The following TENT4B variants were observed in gnomAD, a reference collection of about 807,000 sequenced individuals.
The protein encoded by TENT4B is terminal nucleotidyltransferase 4B, also known as PAP associated domain containing 5.
TENT4B carries 10 observed loss-of-function variants against 75.0 expected under a neutral mutation model. That is an observed-to-expected ratio of 0.13 (90% CI 0.08 to 0.23). The LOEUF (loss-of-function observed/expected upper bound fraction) is 0.23. Ranked by LOEUF, TENT4B falls within the 10% of genes least tolerant of loss-of-function variation. The probability of loss-of-function intolerance (pLI) is 1.00; values close to 1 mark genes in which losing one functional copy is unlikely to be tolerated. For synonymous variants in TENT4B, 350 were observed against 357.7 expected, an observed-to-expected ratio of 0.98 and a Z score of 0.24; for missense variants, 579 against 893.8, an observed-to-expected ratio of 0.65 and a Z score of 4.49.
chr16:50,181,288 A>G lies in TENT4B; in HGVS notation c.638+27029A>G, dbSNP rs1177576042. ...GACAGTGTGCCTTGAAATGCCCTTT[A>G]TCAGTCTGATTCAAGCCACCTGCAA... On this transcript the variant is annotated intron_variant, in intron 1 of 11. Coordinates refer to ENST00000561678, the MANE Select transcript of TENT4B (RefSeq NM_001365324.3). 2.0e-5 allele frequency among the ~76,000 whole-genome samples: 3 copies of G among 151,046 alleles called. No individual in the cohort carries two copies. The East Asian group carries it at 5.8e-4, about 29-fold the overall frequency.
In TENT4B at chr16:50,232,361, T is replaced by C. The variant is rs982494446; in HGVS notation, c.*3033T>C. 27 of 985,344 alleles carry C rather than the reference T, an allele frequency of 2.7e-5. No individual in the cohort carries two copies. The highest frequency in any genetic ancestry group is 3.1e-5 in the Non-Finnish European group (26 of 829,934). The allele number at this position is 985,344 out of a possible 1,614,324, so 61.0% of individuals were successfully genotyped here. The stretch of plus-strand genomic sequence containing the variant: ...TTTTATTTTTATCCTGTTTTGAGTG[T>C]ACTTTACCTTTACTTGCATTTTGAG... On this transcript the variant is annotated 3_prime_UTR_variant, in exon 12 of 12. Coordinates refer to ENST00000561678, the MANE Select transcript of TENT4B (RefSeq NM_001365324.3).
At chr16:50,205,502 G>T (rs1465210098) in intron 1 of TENT4B, among the ~76,000 whole-genome samples, 4 of 146,118 alleles carry the variant, frequency 2.7e-5, no homozygotes, top group Non-Finnish European at 1.5e-5. Context: ...CAGAAAACTT[G>T]CAATGCAAAT....
intron 1 of TENT4B, among the ~76,000 whole-genome samples, chr16:50,172,097 C>T (rs192416733): frequency 5.9e-5 from 9 of 152,030 alleles, no homozygotes; most frequent in Admixed American, 1.3e-4. Context: ...TGCCTATAAT[C>T]CCAGAACTTT....
chr16:50,166,045 A>G (rs1174592277), intron 1 of TENT4B, among the ~76,000 whole-genome samples: 1 of 150,146 alleles, frequency 6.7e-6, no homozygotes, highest in Non-Finnish European at 1.5e-5. Context: ...CCAGCAGTGA[A>G]TGAAATTTCC....
rs764421701 is a variant in TENT4B, at chr16:50,207,068, C to CTT, written c.639-4243_639-4242dup. 6.6e-3 allele frequency among the ~76,000 whole-genome samples: 926 copies of CTT among 140,896 alleles called. 10 individuals carry two copies. The highest frequency in any genetic ancestry group is 0.023 in the African/African-American group (890 of 38,674). The allele number at this position is 140,896 out of a possible 152,430, so 92.4% of individuals were successfully genotyped here. ...ATTAATTTTGTTTCTCTTGCTCTCT[C>CTT]TTTTTTTTTTTTTGGCATCCTTTCC... On this transcript the variant is annotated intron_variant, in intron 1 of 11. Coordinates refer to ENST00000561678, the MANE Select transcript of TENT4B (RefSeq NM_001365324.3).
chr16:50,231,521 G>T lies in TENT4B; in HGVS notation c.*2193G>T, dbSNP rs559339408. 3 of 985,778 alleles carry T rather than the reference G, an allele frequency of 3.0e-6. No individual in the cohort carries two copies. The highest frequency in any genetic ancestry group is 1.7e-5 in the African/African-American group (1 of 57,340). The allele number at this position is 985,778 out of a possible 1,614,324, so 61.1% of individuals were successfully genotyped here. ...TGTTGAAAGTAAATGTACTCTTAGG[G>T]TGCGAATATTAGTGTTCCAATAAGC... On this transcript the variant is annotated 3_prime_UTR_variant, in exon 12 of 12. Coordinates refer to ENST00000561678, the MANE Select transcript of TENT4B (RefSeq NM_001365324.3).
Position 50,153,836 on chromosome 16 carries a change from C to T in TENT4B, c.215C>T (p.Ala72Val), listed in dbSNP as rs1370999968. Residue 72 changes from alanine to valine, a missense_variant, in exon 1 of 12, where the codon GCG (alanine) becomes GTG (valine). Coordinates refer to ENST00000561678, the MANE Select transcript of TENT4B (RefSeq NM_001365324.3). ...SGSSTGSPGGAASAPAPAPAG... is the reference protein window; with the variant it reads ...SGSSTGSPGGVASAPAPAPAG... ...AGCAGCACCGGCAGCCCCGGCGGCG[C>T]GGCCTCGGCCCCGGCCCCGGCCCCG... 1.6e-6 allele frequency: 2 copies of T among 1,254,122 alleles called. No homozygotes were observed. The highest frequency in any genetic ancestry group is 2.0e-6 in the Non-Finnish European group (2 of 1,004,498). 77.7% of individuals were successfully genotyped at this position (1,254,122 alleles called of 1,614,324 possible). A position where few individuals can be genotyped will look rare whatever the true frequency, so the allele number is the denominator to read the frequency against.
At chr16:50,158,653 G>C (rs771303811) in intron 1 of TENT4B, among the ~76,000 whole-genome samples, 95 of 152,330 alleles carry the variant, frequency 6.2e-4, no homozygotes, top group Middle Eastern at 3.4e-3. Flanking sequence ...GTTTGTCCAA[G>C]CTCATGATAG....
At chr16:50,172,006 C>T (rs2038215574) in intron 1 of TENT4B, among the ~76,000 whole-genome samples, 1 of 151,870 alleles carries the variant, frequency 6.6e-6, no homozygotes, top group Admixed American at 6.6e-5. Flanking sequence ...CACCACCACA[C>T]TCTAGCCTGT....
Position 50,209,579 on chromosome 16 carries a change from T to C in TENT4B, c.639-1744T>C, listed in dbSNP as rs185345517. On this transcript the variant is annotated intron_variant, in intron 1 of 11. Transcript: ENST00000561678. ...TTAAGATCCACGTTTTATGACATATTGCATAGCAAACAGGCCGAACGCTGT... is the reference window on the plus strand; with the variant it reads ...TTAAGATCCACGTTTTATGACATATCGCATAGCAAACAGGCCGAACGCTGT... Among the ~76,000 whole-genome samples, 35 of 152,320 alleles carry C rather than the reference T, an allele frequency of 2.3e-4. 1 individual carries two copies. Among genetic ancestry groups the C allele is most frequent in the East Asian group, 2.1e-3 (11 of 5,186 alleles).
At position 50,168,542 on chromosome 16, in the gene TENT4B, C is replaced by T. The variant is rs2038146535; in HGVS notation, c.638+14283C>T. ...TTGGCCAGACTGGTCTCAAACTCCTCACCTCAGTTGATCCACCCACCTTGG... is the reference window on the plus strand; with the variant it reads ...TTGGCCAGACTGGTCTCAAACTCCTTACCTCAGTTGATCCACCCACCTTGG... On this transcript the variant is annotated intron_variant, in intron 1 of 11. Transcript: ENST00000561678. Among the ~76,000 whole-genome samples the T allele has an allele frequency of 2.7e-5, 4 of 150,390 alleles. No individual in the cohort carries two copies. The Admixed American group carries it at 2.7e-4, about 10-fold the overall frequency.
intron 1 of TENT4B, among the ~76,000 whole-genome samples, chr16:50,166,070 C>T (rs1436146503): frequency 1.4e-5 from 2 of 145,430 alleles, no homozygotes; most frequent in East Asian, 3.9e-4. Context: ...TCTCCACATA[C>T]TTGACAGCAC....
At chr16:50,193,406 C>T (rs539359304) in intron 1 of TENT4B, among the ~76,000 whole-genome samples, 15 of 143,478 alleles carry the variant, frequency 1.0e-4, no homozygotes, top group African/African-American at 3.4e-4. Context: ...GGCACGATCT[C>T]GGCTCACTGC....
intron 1 of TENT4B, among the ~76,000 whole-genome samples, chr16:50,208,637 G>A (rs1022240984): frequency 4.6e-5 from 7 of 152,154 alleles, no homozygotes; most frequent in African/African-American, 1.7e-4. Flanking sequence ...CCTTTTCATT[G>A]TTAGATGGAA....
At chr16:50,165,211 T>G (rs1183390714) in intron 1 of TENT4B, among the ~76,000 whole-genome samples, 1 of 152,078 alleles carries the variant, frequency 6.6e-6, no homozygotes, top group Non-Finnish European at 1.5e-5. Context: ...CTTTTGTCTT[T>G]TTTTGGTTAT....
intron 1 of TENT4B, among the ~76,000 whole-genome samples, chr16:50,204,878 A>T (rs2030860659): frequency 6.6e-6 from 1 of 152,056 alleles, no homozygotes; most frequent in Admixed American, 6.5e-5. Flanking sequence ...TGCAAAATGT[A>T]CTGGTGTGTG....
At chr16:50,199,584 T>C (rs797002313) in intron 1 of TENT4B, among the ~76,000 whole-genome samples, 4 of 152,370 alleles carry the variant, frequency 2.6e-5, no homozygotes, top group African/African-American at 9.6e-5. Context: ...TCCATAGTTT[T>C]GCCTTTCCCA....
rs191176210 is a variant in TENT4B, at chr16:50,233,096, G to A, written c.*3768G>A. On this transcript the variant is annotated 3_prime_UTR_variant, in exon 12 of 12. Coordinates refer to ENST00000561678, the MANE Select transcript of TENT4B (RefSeq NM_001365324.3). ...TATGAGCAAAATATTCTATAAATGC[G>A]TCTAACAAACCTAATTGAATATAAA... The A allele has an allele frequency of 4.5e-4, 441 of 983,722 alleles. No homozygotes were observed. The Middle Eastern group carries it at 6.8e-3, about 15-fold the overall frequency. 60.9% of individuals were successfully genotyped at this position (983,722 alleles called of 1,614,324 possible). A position where few individuals can be genotyped will look rare whatever the true frequency, so the allele number is the denominator to read the frequency against.
Position 50,223,353 on chromosome 16 carries a change from A to G in TENT4B, c.1347A>G (p.Pro449=), listed in dbSNP as rs571448333. ...VQKNMLDGYR[P]SMLYIEDPLQ... Reference sequence around the variant, plus strand: ...AAAATATGCTAGATGGCTACAGGCCATCAATGCTTTATATCGAAGATCCTT... The same window carrying G: ...AAAATATGCTAGATGGCTACAGGCCGTCAATGCTTTATATCGAAGATCCTT... The change falls in exon 7 of 12, where the codon CCA becomes CCG. Residue 449 remains proline, a synonymous_variant. Transcript: ENST00000561678. 33 of 1,612,816 alleles carry G rather than the reference A, an allele frequency of 2.0e-5. No individual in the cohort carries two copies. The East Asian group carries it at 6.7e-4, about 33-fold the overall frequency.
Sources: allele counts gnomAD v4.1 joint callset (sites outside exome capture counted in the v4.1 genomes callset), GRCh38; gene constraint gnomAD v4.1.1; transcripts MANE v1.5; gene names NCBI Gene and HGNC (gene_info 2026-07-23, HGNC 2026-07-21).